Variants in LETM1 observed in about 807,000 individuals in gnomAD.
The protein encoded by LETM1 is leucine zipper and EF-hand containing transmembrane protein 1, also known as mitochondrial proton/calcium exchanger protein.
LETM1 carries 50 observed loss-of-function variants against 74.5 expected under a neutral mutation model. The observed-to-expected ratio is 0.67, with a 90% CI of 0.53 to 0.85. The LOEUF is 0.85. LETM1 is among the 40% of genes least tolerant of loss of function. The pLI, the probability that LETM1 is intolerant of heterozygous loss-of-function variation, is 0.00. For synonymous variants in LETM1, 446 were observed against 407.1 expected, an observed-to-expected ratio of 1.10 and a Z score of -1.15; for missense variants, 824 against 967.8, an observed-to-expected ratio of 0.85 and a Z score of 1.97.
intron 11 of LETM1, 96 bp downstream of exon 11, chr4:1,819,242 A>G (rs965495584): frequency 7.1e-6 from 9 of 1,271,540 alleles, no homozygotes; most frequent in Non-Finnish European, 9.8e-6. Flanking sequence ...CCAGCTTATC[A>G]AGTATCTGAC....
rs777624402 is a variant in LETM1, at chr4:1,841,463, C to T, written c.478G>A (p.Glu160Lys). The T allele has an allele frequency of 2.0e-5, 32 of 1,614,132 alleles. No homozygotes were observed. Among genetic ancestry groups the T allele is most frequent in the African/African-American group, 2.7e-5 (2 of 74,948 alleles). Residue 160 changes from glutamate to lysine, a missense_variant, in exon 3 of 14, where the codon GAG becomes AAG. Physicochemically the swap from Glu to Lys is moderately conservative, Grantham distance 56 (BLOSUM62 1). This residue lies in a region of LETM1 where 269 missense variants were observed against 348.8 expected (regional missense o/e 0.77). Coordinates refer to ENST00000302787, the MANE Select transcript of LETM1 (RefSeq NM_012318.3). ...AAGCCATGGTAGTAGTGCTTCAGCT[C>T]GTCCAGCACCCGCTGCCCCAGGGAC... ...KKSLGQRVLD[E>K]LKHYYHGFRL...
Position 1,815,705 on chromosome 4 carries a change from C to T in LETM1, c.2029G>A (p.Glu677Lys), listed in dbSNP as rs2108833876. 24 of 1,614,240 alleles carry T rather than the reference C, an allele frequency of 1.5e-5. No individual in the cohort carries two copies. Among genetic ancestry groups the T allele is most frequent in the Non-Finnish European group, 1.9e-5 (23 of 1,180,032 alleles). ...KLTSLAAALD[E>K]NKDGKVNIDD... ...ATGTTGACCTTGCCATCCTTGTTTT[C>T]ATCCAGTGCTGCGGCCAGGCTGGTG... The change falls in exon 13 of 14, where the codon GAA becomes AAA. Residue 677 changes from glutamate to lysine, a missense_variant. Coordinates refer to ENST00000302787, the MANE Select transcript of LETM1 (RefSeq NM_012318.3).
At chr4:1,819,223 A>C in intron 11 of LETM1, 115 bp downstream of exon 11, 3 of 1,063,554 alleles carry the variant, frequency 2.8e-6, no homozygotes, top group South Asian at 1.6e-5. Flanking sequence ...CTCTCCAAAT[A>C]CTCTTTGGCC....
chr4:1,816,540 C>T (rs917955859), intron 12 of LETM1, among the ~76,000 whole-genome samples, 187 bp downstream of exon 12: 4 of 152,102 alleles, frequency 2.6e-5, no homozygotes, highest in Non-Finnish European at 4.4e-5. Context: ...GAACTGCTCT[C>T]GGAGAGGCAG....
intron 12 of LETM1, 105 bp downstream of exon 12, chr4:1,816,622 C>T: frequency 9.0e-7 from 1 of 1,115,246 alleles, no homozygotes; most frequent in Non-Finnish European, 1.3e-6. Flanking sequence ...GCAGAGGCTA[C>T]AATGTGCCCT....
intron 2 of LETM1, among the ~76,000 whole-genome samples, chr4:1,843,855 C>T (rs887115997): frequency 1.3e-5 from 2 of 152,182 alleles, no homozygotes; most frequent in African/African-American, 4.8e-5. Context: ...TGCCGAGAGC[C>T]GAGCCACACA....
intron 6 of LETM1, among the ~76,000 whole-genome samples, chr4:1,830,527 T>A (rs1476497337): frequency 6.6e-6 from 1 of 152,034 alleles, no homozygotes; most frequent in Non-Finnish European, 1.5e-5. Context: ...AGGTGGGGGG[T>A]CTCACTATGT....
intron 9 of LETM1, chr4:1,822,584 C>T (rs1711820489): frequency 5.6e-6 from 2 of 355,438 alleles, no homozygotes; most frequent in African/African-American, 2.1e-5. Flanking sequence ...GAGCAGGAGG[C>T]TGAGCCTGTG....
rs143311273 is a variant in LETM1, at chr4:1,814,468, C to G, written c.2176G>C (p.Ala726Pro). 2 of 1,614,008 alleles carry G rather than the reference C, an allele frequency of 1.2e-6. No homozygotes were observed. Among genetic ancestry groups the G allele is most frequent in the Admixed American group, 1.7e-5 (1 of 60,000 alleles). ...KEEKVEEKEK[A>P]KEKAEKEVAE... ...ACCTCCTTCTCTGCCTTCTCTTTGGCCTTCTCCTTCTCCTCCACCTTCTCC... is the reference window on the plus strand; with the variant it reads ...ACCTCCTTCTCTGCCTTCTCTTTGGGCTTCTCCTTCTCCTCCACCTTCTCC... Residue 726 changes from alanine to proline, a missense_variant, in exon 14 of 14, where the codon GCC becomes CCC. Around this residue, in one of 4 missense-constraint regions of LETM1, gnomAD observed 161 missense variants for 252.7 expected, o/e 0.64. Coordinates refer to ENST00000302787, the MANE Select transcript of LETM1 (RefSeq NM_012318.3).
chr4:1,824,856 C>G (rs1292927409), intron 7 of LETM1, among the ~76,000 whole-genome samples: 1 of 152,250 alleles, frequency 6.6e-6, no homozygotes, highest in Non-Finnish European at 1.5e-5. Flanking sequence ...GAAGACGCGG[C>G]TGTGGAAGGC....
At chr4:1,843,856 G>A (rs1004291833) in intron 2 of LETM1, among the ~76,000 whole-genome samples, 4 of 152,266 alleles carry the variant, frequency 2.6e-5, no homozygotes, top group East Asian at 1.9e-4. Context: ...GCCGAGAGCC[G>A]AGCCACACAG....
intron 6 of LETM1, among the ~76,000 whole-genome samples, chr4:1,826,942 C>A (rs1308570528): frequency 6.6e-6 from 1 of 152,210 alleles, no homozygotes; most frequent in East Asian, 1.9e-4. Context: ...CTGAAGCTTC[C>A]CCTCCGTCTG....
chr4:1,815,335 C>T (rs534782608), intron 13 of LETM1, among the ~76,000 whole-genome samples: 3 of 152,326 alleles, frequency 2.0e-5, no homozygotes, highest in African/African-American at 7.2e-5. Flanking sequence ...TGTGCAGTCG[C>T]CCCTCAGCGT....
At chr4:1,816,554 C>G (rs1711577363) in intron 12 of LETM1, among the ~76,000 whole-genome samples, 173 bp downstream of exon 12, 1 of 152,212 alleles carries the variant, frequency 6.6e-6, no homozygotes, top group African/African-American at 2.4e-5. Context: ...GAGGCAGAGA[C>G]TGACATGCCA....
intron 1 of LETM1, among the ~76,000 whole-genome samples, chr4:1,851,656 T>C (rs985913213): frequency 7.2e-5 from 11 of 152,220 alleles, no homozygotes; most frequent in African/African-American, 2.7e-4. Context: ...TCACTCCAGC[T>C]GAGACTAGCT....
chr4:1,821,465 G>T (rs576072670), intron 10 of LETM1, among the ~76,000 whole-genome samples: 2 of 151,500 alleles, frequency 1.3e-5, no homozygotes, highest in African/African-American at 4.8e-5. Context: ...GAGGCGGGAA[G>T]ATCACTTGAG....
rs765163993 is a variant in LETM1 at position 1,834,593 on chromosome 4, C to T, written c.876+252G>A. 3.7e-5 allele frequency: 48 copies of T among 1,312,348 alleles called. No homozygotes were observed. The highest frequency in any genetic ancestry group is 4.6e-5 in the Non-Finnish European group (47 of 1,027,098). 81.3% of individuals were successfully genotyped at this position (1,312,348 alleles called of 1,614,324 possible). A position where few individuals can be genotyped will look rare whatever the true frequency, so the allele number is the denominator to read the frequency against. Reference sequence around the variant, plus strand: ...AGATTCTACTGCTCCTGGACAGCTGCAGGGTGATGAGACACAGACGCCCAT... The same window carrying T: ...AGATTCTACTGCTCCTGGACAGCTGTAGGGTGATGAGACACAGACGCCCAT... On this transcript the variant is annotated intron_variant, in intron 5 of 13. Coordinates refer to ENST00000302787, the MANE Select transcript of LETM1 (RefSeq NM_012318.3). This position sits in a 1 kb window ranked among gnomAD's most constrained non-coding sequence, Gnocchi z 5.0.
chr4:1,820,925 G>T (rs943339655), intron 10 of LETM1, among the ~76,000 whole-genome samples: 1 of 152,054 alleles, frequency 6.6e-6, no homozygotes, highest in Non-Finnish European at 1.5e-5. Flanking sequence ...TCGGGAGGCT[G>T]AGGCAGGAGA....
rs746607914 is a variant in LETM1, at chr4:1,832,865, T to C, written c.959A>G (p.Asn320Ser). 7 of 1,613,880 alleles carry C rather than the reference T, an allele frequency of 4.3e-6. No individual in the cohort carries two copies. In the South Asian group the frequency reaches 7.7e-5, roughly 18 times the overall value. The change falls in exon 6 of 14, where the codon AAC becomes AGC. Residue 320 changes from asparagine (N) to serine (S), a missense_variant. By Grantham distance (46) the Asn-to-Ser change is conservative. Around this residue, in one of 4 missense-constraint regions of LETM1, gnomAD observed 269 missense variants for 348.8 expected, o/e 0.77. Transcript: ENST00000302787. Reference protein sequence around the residue: ...KLFEDELTLDNLTRPQLVALC... With the variant: ...KLFEDELTLDSLTRPQLVALC... ...GGCCACCAGCTGCGGCCGTGTCAGG[T>C]TGTCCAGGGTCAGCTCATCCTCAAA...
Sources: gnomAD v4.1 joint callset for allele counts (sites outside exome capture counted in the v4.1 genomes callset) on GRCh38, gnomAD v4.1.1 for gene constraint, gnomAD v4.1.1 regional missense constraint, Gnocchi (gnomAD v3.1) non-coding constraint, MANE v1.5 for transcripts, NCBI Gene and HGNC (gene_info 2026-07-23, HGNC 2026-07-21) for gene names.